The following ZFYVE26 variants were observed in gnomAD, a reference collection of about 807,000 sequenced individuals.
The protein encoded by ZFYVE26 is zinc finger FYVE-type containing 26, also known as zinc finger FYVE domain-containing protein 26.
In ZFYVE26, 181 loss-of-function variants were observed where a neutral mutation model predicts 276.5. The observed-to-expected ratio is 0.65, with a 90% CI of 0.58 to 0.74. The LOEUF is 0.74. Ranked by LOEUF, ZFYVE26 falls within the 30% of genes least tolerant of loss-of-function variation. The pLI is 0.00. For synonymous variants in ZFYVE26, 1,129 were observed against 1,203.1 expected (o/e 0.94, Z 1.27); for missense variants, 2,821 against 3,097.9 (o/e 0.91, Z 2.12).
intron 3 of ZFYVE26, among the ~76,000 whole-genome samples, chr14:67,811,683 T>C (rs1032062302): frequency 6.6e-6 from 1 of 151,534 alleles, no homozygotes; most frequent in Non-Finnish European, 1.5e-5. Flanking sequence ...ATTTCTGCTA[T>C]TTCTCTAAGA....
In ZFYVE26 at chr14:67,746,664, G is replaced by A. The variant is rs2038494507; in HGVS notation, c.*1772C>T. ...TTTAGCCTCATCTCATATCAGTCTAGTCAGTGGTTGCCTATAATTTGATAG... is the reference window on the plus strand; with the variant it reads ...TTTAGCCTCATCTCATATCAGTCTAATCAGTGGTTGCCTATAATTTGATAG... On this transcript the variant is annotated 3_prime_UTR_variant, in exon 42 of 42. Transcript: ENST00000347230. 1.3e-5 allele frequency: 2 copies of A among 152,384 alleles called. No individual in the cohort carries two copies. The highest frequency in any genetic ancestry group is 2.4e-5 in the African/African-American group (1 of 41,430). The allele number at this position is 152,384 out of a possible 1,614,324, so 9.4% of individuals were successfully genotyped here. A position where few individuals can be genotyped will look rare whatever the true frequency, so the allele number is the denominator to read the frequency against.
intron 21 of ZFYVE26, 113 bp downstream of exon 21, chr14:67,782,667 G>GATT: frequency 1.3e-6 from 2 of 1,531,968 alleles, no homozygotes; most frequent in Non-Finnish European, 1.8e-6. Flanking sequence ...AATAACATGA[G>GATT]ATTATAGTGG....
chr14:67,743,346 C>T (rs1255030365), downstream of ZFYVE26, among the ~76,000 whole-genome samples: 7 of 151,814 alleles, frequency 4.6e-5, no homozygotes, highest in Non-Finnish European at 1.5e-5. Flanking sequence ...CAAAAAGTAG[C>T]CCAGCCTTGT....
intron 31 of ZFYVE26, among the ~76,000 whole-genome samples, chr14:67,766,769 G>A (rs1301075134): frequency 3.9e-5 from 6 of 152,058 alleles, no homozygotes; most frequent in South Asian, 2.1e-4. Context: ...GTGCGATCTC[G>A]GCTCACTGCA....
intron 33 of ZFYVE26, 41 bp downstream of exon 33, chr14:67,762,618 AAGCAACTTGCTAC>A: frequency 6.2e-7 from 1 of 1,608,950 alleles, no homozygotes; most frequent in Non-Finnish European, 8.5e-7. Flanking sequence ...GGCTAAGCAA[AAGCAACTTGCTAC>A]AGTGGGGTGG....
In ZFYVE26 at chr14:67,815,765, C is replaced by T. The variant is rs1350262737; in HGVS notation, c.194+5G>A. ...GACCGTCTGGTAGGAAAAGAGATCC[C>T]TTACCTCAGCAGATTTGGACACACC... On this transcript the variant is annotated splice_donor_5th_base_variant and intron_variant, in intron 2 of 41. Transcript: ENST00000347230. 6.2e-7 allele frequency: 1 copy of T among 1,612,636 alleles called. No homozygotes were observed. The highest frequency in any genetic ancestry group is 8.5e-7 in the Non-Finnish European group (1 of 1,179,992).
rs566253092 is a variant in ZFYVE26, at chr14:67,754,009, A to G, written c.7128+62T>C. 7 of 1,612,794 alleles carry G rather than the reference A, an allele frequency of 4.3e-6. No individual in the cohort carries two copies. In the South Asian group the frequency reaches 4.4e-5, roughly 10 times the overall value. On this transcript the variant is annotated intron_variant, in intron 38 of 41. Transcript: ENST00000347230. ...CTGAAATAATCACTAGACAACTGCAATTATGATAAGTGTTCTAAAAGATGA... is the reference window on the plus strand; with the variant it reads ...CTGAAATAATCACTAGACAACTGCAGTTATGATAAGTGTTCTAAAAGATGA...
In ZFYVE26 at chr14:67,748,424, C is replaced by T. The variant is rs1295749870; in HGVS notation, c.*12G>A. The T allele has an allele frequency of 2.5e-6, 4 of 1,611,236 alleles. No homozygotes were observed. Among genetic ancestry groups the T allele is most frequent in the Non-Finnish European group, 3.4e-6 (4 of 1,179,738 alleles). On this transcript the variant is annotated 3_prime_UTR_variant, in exon 42 of 42. Coordinates refer to ENST00000347230, the MANE Select transcript of ZFYVE26 (RefSeq NM_015346.4). ...CTCTCAGGCCACGTGTTCCTGGCCC[C>T]ACTGCCCAAGGTCACTTCCTGGAGC... is the stretch of plus-strand genomic sequence containing the variant.
chr14:67,761,249 C>A (rs2038919281), intron 35 of ZFYVE26, 117 bp downstream of exon 35: 1 of 938,524 alleles, frequency 1.1e-6, no homozygotes, highest in African/African-American at 1.6e-5. Flanking sequence ...CTAGAGATGG[C>A]CCCATAGCTC....
Position 67,782,945 on chromosome 14 carries a change from C to A in ZFYVE26, c.4207G>T (p.Gly1403Cys), listed in dbSNP as rs2039542024. ...GWASLSTVLL[G>C]LHSPIALDVL... Reference sequence around the variant, plus strand: ...TCTAGGGCAATGGGAGAATGTAGGCCCAGGAGAACGGTAGAAAGACTGGCC... The same window carrying A: ...TCTAGGGCAATGGGAGAATGTAGGCACAGGAGAACGGTAGAAAGACTGGCC... The change falls in exon 21 of 42, where the codon GGC (glycine) becomes TGC (cysteine). Residue 1403 changes from glycine to cysteine, a missense_variant. By Grantham distance (159) the Gly-to-Cys change is radical. Coordinates refer to ENST00000347230, the MANE Select transcript of ZFYVE26 (RefSeq NM_015346.4). The A allele has an allele frequency of 6.2e-7, 1 of 1,614,064 alleles. No homozygotes were observed. The highest frequency in any genetic ancestry group is 1.7e-5 in the Admixed American group (1 of 60,002).
In ZFYVE26 at chr14:67,798,447, A is replaced by C. The variant is rs747969543; in HGVS notation, c.1815T>G (p.Ile605Met). Residue 605 changes from isoleucine (I) to methionine (M), a missense_variant, in exon 11 of 42, where the codon ATT (isoleucine) becomes ATG (methionine). Coordinates refer to ENST00000347230, the MANE Select transcript of ZFYVE26 (RefSeq NM_015346.4). ...TCAAACCTGAGGGGCTCTTCCCCTC[A>C]ATGTCATCATCCTCAGCATAGTCCT... is the stretch of plus-strand genomic sequence containing the variant. ...LPEDYAEDDD[I>M]EGKSPSGLRS... is the part of the protein sequence containing the mutation. 6.2e-7 allele frequency: 1 copy of C among 1,614,156 alleles called. No individual in the cohort carries two copies. Among genetic ancestry groups the C allele is most frequent in the South Asian group, 1.1e-5 (1 of 91,072 alleles).
chr14:67,729,056 G>T, intron 14 of ZFYVE26: 1 of 884,026 alleles, frequency 1.1e-6, no homozygotes, highest in African/African-American at 1.6e-5. Context: ...GCCTGGCCAG[G>T]AGTGGTACCT....
At chr14:67,768,710 C>T (rs909276160) in intron 29 of ZFYVE26, among the ~76,000 whole-genome samples, 162 bp from the exon 30 acceptor site, 5 of 152,152 alleles carry the variant, frequency 3.3e-5, no homozygotes, top group African/African-American at 9.7e-5. Flanking sequence ...ACTAACTGCC[C>T]ATTTCAAATC....
intron 41 of ZFYVE26, 122 bp downstream of exon 41, chr14:67,750,930 A>G: frequency 7.9e-7 from 1 of 1,271,448 alleles, no homozygotes; most frequent in South Asian, 1.2e-5. Context: ...CACCTCTGAT[A>G]ATACAGAAGC....
At chr14:67,744,398 A>G (rs529202835), downstream of ZFYVE26, among the ~76,000 whole-genome samples, 4 of 152,048 alleles carry the variant, frequency 2.6e-5, no homozygotes, top group Admixed American at 6.5e-5. Flanking sequence ...TAATTTTTAA[A>G]TTTATTTATT....
In ZFYVE26 at chr14:67,805,533, A is replaced by G. The variant is rs2040163514; in HGVS notation, c.1103T>C (p.Leu368Pro). 1.2e-6 allele frequency: 2 copies of G among 1,614,210 alleles called. No homozygotes were observed. The highest frequency in any genetic ancestry group is 1.7e-6 in the Non-Finnish European group (2 of 1,180,038). ...GTGTGTCCAGCCCAGGAGTACAAGC[A>G]GGCAACTGAGGGGCCTGAATTCTCT... ...LDREFRPLSC[L>P]LVLLGWTHCQ... The change falls in exon 7 of 42, where the codon CTG (leucine) becomes CCG (proline). Residue 368 changes from leucine to proline, a missense_variant. Transcript: ENST00000347230.
intron 2 of ZFYVE26, 104 bp from the exon 3 acceptor site, chr14:67,814,168 A>C: frequency 1.1e-6 from 1 of 878,932 alleles, no homozygotes; most frequent in Non-Finnish European, 1.9e-6. Flanking sequence ...TTAAACCTGA[A>C]CAGGCAAGAC....
intron 13 of ZFYVE26, among the ~76,000 whole-genome samples, chr14:67,732,298 C>T (rs1024980948): frequency 3.3e-5 from 5 of 151,088 alleles, no homozygotes; most frequent in Non-Finnish European, 5.9e-5. Context: ...ATTAGCCCAG[C>T]ATTGTGGTGC....
At chr14:67,804,313 C>T (rs767272143) in intron 8 of ZFYVE26, 49 bp from the exon 9 acceptor site, 1 of 1,601,666 alleles carries the variant, frequency 6.2e-7, no homozygotes, top group African/African-American at 1.3e-5. Context: ...TATATTATTG[C>T]TCGAAGAAAG....
Sources: allele counts gnomAD v4.1 joint callset (sites outside exome capture counted in the v4.1 genomes callset), GRCh38; gene constraint gnomAD v4.1.1; transcripts MANE v1.5; gene names NCBI Gene and HGNC (gene_info 2026-07-23, HGNC 2026-07-21).